The following NELL2 variants were observed in gnomAD, a reference collection of about 807,000 sequenced individuals.
NELL2 encodes neural EGFL like 2.
NELL2 carries 41 observed loss-of-function variants against 109.6 expected under a neutral mutation model. That is an observed-to-expected ratio of 0.37 (90% CI 0.29 to 0.49). The LOEUF (loss-of-function observed/expected upper bound fraction) is 0.49, where lower values mean the gene tolerates loss of function less well. NELL2 is among the 20% of genes least tolerant of loss of function. The pLI is 0.98. For missense variants in NELL2, 900 were observed against 1,008.3 expected (o/e 0.89, Z 1.45); for synonymous variants, 355 against 344.7 (o/e 1.03, Z -0.33).
chr12:44,843,180 GA>G (rs200989343), intron 2 of NELL2, among the ~76,000 whole-genome samples: 12 of 138,088 alleles, frequency 8.7e-5, no homozygotes, highest in Middle Eastern at 3.7e-3. Flanking sequence ...ACTAGAATAT[GA>G]AAAAAAAACA....
chr12:44,637,321 C>T (rs966366225), intron 13 of NELL2, among the ~76,000 whole-genome samples: 3 of 150,524 alleles, frequency 2.0e-5, no homozygotes, highest in African/African-American at 7.3e-5. Context: ...AACCCTTTTA[C>T]ATATCCAAAA....
At chr12:44,836,788 T>C (rs1944067269) in intron 2 of NELL2, among the ~76,000 whole-genome samples, 1 of 152,194 alleles carries the variant, frequency 6.6e-6, no homozygotes, top group Non-Finnish European at 1.5e-5. Flanking sequence ...ATGAGTGTTT[T>C]GGGAAATATG....
chr12:44,624,073 G>A (rs541810582), intron 13 of NELL2, among the ~76,000 whole-genome samples: 38 of 152,064 alleles, frequency 2.5e-4, no homozygotes, highest in African/African-American at 8.9e-4. Context: ...ACCATGGCAC[G>A]TGTATACCCA....
rs150274773 is a variant in NELL2 at position 44,569,487 on chromosome 12, T to A, written c.1664-36766A>T. Among the ~76,000 whole-genome samples the A allele has an allele frequency of 1.6e-3, 238 of 152,302 alleles. 1 individual carries two copies. Among genetic ancestry groups the A allele is most frequent in the African/African-American group, 5.3e-3 (220 of 41,582 alleles). On this transcript the variant is annotated intron_variant, in intron 15 of 19. Transcript: ENST00000429094. The stretch of plus-strand genomic sequence containing the variant: ...GCTTGCCACAATGGTTGAACTAATT[T>A]ACACTTCCACCAACAATGTATAAAC...
At chr12:44,876,469 G>C, upstream of NELL2, 1 of 1,321,858 alleles carries the variant, frequency 7.6e-7, no homozygotes, top group Non-Finnish European at 9.7e-7. Flanking sequence ...GCCAAACCCG[G>C]TCTAGGGAGC....
chr12:44,754,477 C>T (rs946066262), intron 9 of NELL2, among the ~76,000 whole-genome samples: 8 of 152,172 alleles, frequency 5.3e-5, no homozygotes, highest in Non-Finnish European at 8.8e-5. Context: ...CAAGTATTTA[C>T]ATTACTAAAG....
intron 15 of NELL2, among the ~76,000 whole-genome samples, chr12:44,555,875 A>G (rs1216804944): frequency 3.3e-5 from 5 of 152,180 alleles, no homozygotes. Context: ...GGGATTGATT[A>G]AAGAGAGGAT....
chr12:44,826,972 ATTAT>A (rs1344897679), intron 2 of NELL2, among the ~76,000 whole-genome samples: 2 of 152,196 alleles, frequency 1.3e-5, no homozygotes, highest in Non-Finnish European at 2.9e-5. Context: ...AATATAGAAA[ATTAT>A]TTATATCATA....
chr12:44,586,367 G>A (rs1043833444), intron 15 of NELL2, among the ~76,000 whole-genome samples: 9 of 150,488 alleles, frequency 6.0e-5, no homozygotes, highest in East Asian at 3.9e-4. Context: ...TCATAAATAC[G>A]TGATTTCTTA....
intron 13 of NELL2, among the ~76,000 whole-genome samples, chr12:44,633,524 A>G (rs2136288490): frequency 6.6e-6 from 1 of 152,244 alleles, no homozygotes; most frequent in Admixed American, 6.6e-5. Context: ...ACAAACATTT[A>G]CTTGTCAGTT....
intron 1 of NELL2, among the ~76,000 whole-genome samples, chr12:44,909,538 C>T (rs1321091086): frequency 6.6e-6 from 1 of 151,924 alleles, no homozygotes; most frequent in Non-Finnish European, 1.5e-5. Flanking sequence ...GGATTCAATG[C>T]TATTCATATC....
At chr12:44,673,252 A>G (rs1046881837) in intron 12 of NELL2, among the ~76,000 whole-genome samples, 2 of 152,248 alleles carry the variant, frequency 1.3e-5, no homozygotes, top group Non-Finnish European at 1.5e-5. Flanking sequence ...TTACAGGCAT[A>G]AAAATGGCAT....
intron 15 of NELL2, among the ~76,000 whole-genome samples, chr12:44,556,256 G>T (rs985234303): frequency 3.3e-5 from 5 of 152,158 alleles, no homozygotes; most frequent in Non-Finnish European, 7.4e-5. Context: ...GGGCACTGTG[G>T]ATGCAGCAAC....
intron 2 of NELL2, among the ~76,000 whole-genome samples, chr12:44,854,555 G>A (rs546273206): frequency 6.6e-5 from 10 of 151,224 alleles, no homozygotes; most frequent in Admixed American, 1.3e-4. Flanking sequence ...TTCAGAAATC[G>A]TTTAATCTAA....
Position 44,523,401 on chromosome 12 carries a change from A to G in NELL2, c.1888T>C (p.Cys630Arg). The G allele has an allele frequency of 4.3e-6, 7 of 1,614,174 alleles. No homozygotes were observed. The highest frequency in any genetic ancestry group is 4.2e-6 in the Non-Finnish European group (5 of 1,180,028). ...CCTGTGCAATTCTTTCCATGAGGAC[A>G]TCGACAATCATATCCGCCATCCAAA... ...FNLDGGYDCR[C>R]PHGKNCTGDC... Residue 630 changes from cysteine to arginine, a missense_variant, in exon 17 of 20, where the codon TGT becomes CGT. By Grantham distance (180) the Cys-to-Arg change is radical. Coordinates refer to ENST00000429094, the MANE Select transcript of NELL2 (RefSeq NM_001145108.2).
intron 8 of NELL2, 143 bp downstream of exon 8, chr12:44,775,879 G>C: frequency 1.2e-6 from 1 of 822,504 alleles, no homozygotes; most frequent in East Asian, 2.8e-5. Flanking sequence ...CAGTTCTTTA[G>C]ATATGACCAG....
chr12:44,761,488 A>T lies in NELL2; in HGVS notation c.994+13259T>A, dbSNP rs11182651. Reference sequence around the variant, plus strand: ...ATATGGAGATTTCTCAAAGAACTAAAAATAGAACTACCATTCAACCCAGCA... The same window carrying T: ...ATATGGAGATTTCTCAAAGAACTAATAATAGAACTACCATTCAACCCAGCA... On this transcript the variant is annotated intron_variant, in intron 9 of 19. Transcript: ENST00000429094. 5.5e-3 allele frequency among the ~76,000 whole-genome samples: 843 copies of T among 152,334 alleles called. 11 individuals are homozygous for T. Among genetic ancestry groups the T allele is most frequent in the East Asian group, 0.032 (168 of 5,178 alleles).
At chr12:44,639,745 T>C (rs1057392981) in intron 13 of NELL2, among the ~76,000 whole-genome samples, 2 of 152,152 alleles carry the variant, frequency 1.3e-5, no homozygotes, top group African/African-American at 4.8e-5. Context: ...CTCCACACAG[T>C]TCTTACAGCA....
At chr12:44,599,461 TAAAC>T (rs909158409) in intron 15 of NELL2, among the ~76,000 whole-genome samples, 1 of 151,996 alleles carries the variant, frequency 6.6e-6, no homozygotes, top group African/African-American at 2.4e-5. Context: ...AAAACTAACA[TAAAC>T]TAAATAATGG....
Sources: allele counts gnomAD v4.1 joint callset (sites outside exome capture counted in the v4.1 genomes callset), GRCh38; gene constraint gnomAD v4.1.1; transcripts MANE v1.5; gene names NCBI Gene and HGNC (gene_info 2026-07-23, HGNC 2026-07-21).